HDAC4: variants seen among roughly 807,000 people sequenced by gnomAD.
HDAC4 encodes the protein histone deacetylase 4.
A neutral mutation model predicts 135.1 loss-of-function variants in HDAC4; 16 were observed. The ratio of observed to expected loss-of-function variants is 0.12; its 90% CI spans 0.08 to 0.18. The LOEUF (loss-of-function observed/expected upper bound fraction) is 0.18. Among genes scored for constraint, HDAC4 ranks in the 10% least tolerant of loss-of-function variants. The pLI, the probability that HDAC4 is intolerant of heterozygous loss-of-function variation, is 1.00. For missense variants in HDAC4, 1,143 were observed against 1,511.8 expected, an observed-to-expected ratio of 0.76 and a Z score of 4.05; for synonymous variants, 685 against 653.4, an observed-to-expected ratio of 1.05 and a Z score of -0.74.
intron 1 of HDAC4, among the ~76,000 whole-genome samples, chr2:239,354,844 G>A (rs1559381086): frequency 6.6e-6 from 1 of 152,004 alleles, no homozygotes; most frequent in Non-Finnish European, 1.5e-5. Context: ...AATGTAGATG[G>A]CATATTTTTC....
chr2:239,082,505 T>C (rs1415467722), intron 20 of HDAC4, among the ~76,000 whole-genome samples: 1 of 152,200 alleles, frequency 6.6e-6, no homozygotes, highest in Non-Finnish European at 1.5e-5. Context: ...CAGCAGCCGA[T>C]GGGGCTGGAG....
At chr2:239,089,728 C>CT (rs372528457) in intron 18 of HDAC4, 3,458 of 293,276 alleles carry the variant, frequency 0.012, no homozygotes, top group East Asian at 0.02. Context: ...CTCTTTGGAG[C>CT]TTTTTTTTTT....
At chr2:239,063,909 T>C (rs529339423) in intron 24 of HDAC4, among the ~76,000 whole-genome samples, 7 of 152,254 alleles carry the variant, frequency 4.6e-5, no homozygotes, top group Non-Finnish European at 1.0e-4. Flanking sequence ...ATGGCAGCCT[T>C]TGGGTGAGCC....
At chr2:239,343,101 G>GAAAGCAAA (rs1415225089) in intron 2 of HDAC4, among the ~76,000 whole-genome samples, 2 of 152,214 alleles carry the variant, frequency 1.3e-5, no homozygotes, top group African/African-American at 4.8e-5. Flanking sequence ...TTAGGTGGCT[G>GAAAGCAAA]AAAGCAAACC....
chr2:239,296,781 C>G (rs911487121), intron 2 of HDAC4, among the ~76,000 whole-genome samples: 1 of 152,150 alleles, frequency 6.6e-6, no homozygotes, highest in South Asian at 2.1e-4. Flanking sequence ...CCAGGACTTT[C>G]ACCTCCGCCC....
At chr2:239,305,756 C>T (rs1211371374) in intron 2 of HDAC4, among the ~76,000 whole-genome samples, 2 of 152,164 alleles carry the variant, frequency 1.3e-5, no homozygotes, top group Non-Finnish European at 2.9e-5. Flanking sequence ...GGCCACGAAA[C>T]GTGTATTTCG....
intron 5 of HDAC4, among the ~76,000 whole-genome samples, chr2:239,173,053 A>G (rs1166624906): frequency 6.6e-6 from 1 of 152,242 alleles, no homozygotes; most frequent in Non-Finnish European, 1.5e-5. Context: ...AGATGGCTTT[A>G]GCAGTAAGTT....
intron 2 of HDAC4, among the ~76,000 whole-genome samples, chr2:239,275,207 G>A (rs2050286194): frequency 6.6e-6 from 1 of 152,212 alleles, no homozygotes; most frequent in Non-Finnish European, 1.5e-5. Flanking sequence ...CCTCAGCCCA[G>A]ACCACCAGGC....
intron 2 of HDAC4, among the ~76,000 whole-genome samples, chr2:239,316,059 A>C (rs1248535770): frequency 6.6e-6 from 1 of 152,218 alleles, no homozygotes; most frequent in Non-Finnish European, 1.5e-5. Context: ...CCAAAAGCCT[A>C]ACAGAAAAGC....
Position 239,048,560 on chromosome 2 carries a change from T to TAGATAGATAG in HDAC4, c.*4536_*4537insCTATCTATCT, listed in dbSNP as rs2030309428. 1 of 149,948 alleles carries TAGATAGATAG rather than the reference T, an allele frequency of 6.7e-6. No individual in the cohort carries two copies. Among genetic ancestry groups the TAGATAGATAG allele is most frequent in the African/African-American group, 2.5e-5 (1 of 40,590 alleles). The allele number at this position is 149,948 out of a possible 1,614,324, so 9.3% of individuals were successfully genotyped here. ...GGGTGAGTAAGGTTCAAGCCCCCTGTATAGATAGATAGATAGATAGATAGA... is the reference window on the plus strand; with the variant it reads ...GGGTGAGTAAGGTTCAAGCCCCCTGTAGATAGATAGATAGATAGATAGATAGATAGATAGA... On this transcript the variant is annotated 3_prime_UTR_variant, in exon 27 of 27. Transcript: ENST00000543185.
chr2:239,094,127 C>T (rs1400525494), intron 17 of HDAC4: 3 of 985,356 alleles, frequency 3.0e-6, no homozygotes, highest in Non-Finnish European at 3.6e-6. Context: ...TGTCCACCGG[C>T]TCCCGTCCTC....
chr2:239,307,827 C>T lies in HDAC4; in HGVS notation c.22+44851G>A, dbSNP rs1303562538. ...GAGGGTTTCCCAGCCTGAAACGCCA[C>T]CCCACAGCCACTGTGGATTTGGGGA... On this transcript the variant is annotated intron_variant, in intron 2 of 26. Transcript: ENST00000543185. This position sits in a 1 kb window ranked among gnomAD's most constrained non-coding sequence, Gnocchi z 4.8. Among the ~76,000 whole-genome samples the T allele has an allele frequency of 6.6e-6, 1 of 152,210 alleles. No individual in the cohort carries two copies. The highest frequency in any genetic ancestry group is 2.4e-5 in the African/African-American group (1 of 41,454).
At chr2:239,365,388 C>G (rs1694124764) in intron 1 of HDAC4, among the ~76,000 whole-genome samples, 1 of 152,234 alleles carries the variant, frequency 6.6e-6, no homozygotes, top group Non-Finnish European at 1.5e-5. Flanking sequence ...GGATTTCACA[C>G]AATCCACAGG....
In HDAC4 at chr2:239,352,927, T is replaced by A; in HGVS notation, c.-219-9A>T. ...GGCTTCTGCAGATGAACCTGCAAGG[T>A]CAGAAGGAGAAAAGAGACTGGAGTT... On this transcript the variant is annotated splice_polypyrimidine_tract_variant and intron_variant, in intron 1 of 26. Transcript: ENST00000543185. This position sits in a 1 kb window ranked among gnomAD's most constrained non-coding sequence, Gnocchi z 4.4. 1.7e-6 allele frequency: 1 copy of A among 575,990 alleles called. No individual in the cohort carries two copies. The highest frequency in any genetic ancestry group is 3.1e-6 in the Non-Finnish European group (1 of 321,854). The allele number at this position is 575,990 out of a possible 1,614,324, so 35.7% of individuals were successfully genotyped here.
chr2:239,097,073 G>T (rs530755816), intron 16 of HDAC4, among the ~76,000 whole-genome samples: 2 of 152,336 alleles, frequency 1.3e-5, no homozygotes, highest in Admixed American at 6.5e-5. Context: ...CCAGCTGAGG[G>T]GCGCAGGCGC....
In HDAC4 at chr2:239,189,846, T is replaced by C; in HGVS notation, c.326A>G (p.His109Arg). ...ACCGCGCCTCACCTTGATGTGCTCG[T>C]GGAGCTGCGCCTCGTGCTGCCGGGA... ...QLSRQHEAQL[H>R]EHIKQQQEML... The change falls in exon 4 of 27, where the codon CAC becomes CGC. Residue 109 changes from histidine to arginine, a missense_variant. Physicochemically the swap from His to Arg is conservative, Grantham distance 29. Around this residue, in one of 9 missense-constraint regions of HDAC4, gnomAD observed 247 missense variants for 310.0 expected, o/e 0.80. Transcript: ENST00000543185. The C allele has an allele frequency of 6.2e-7, 1 of 1,607,510 alleles. No homozygotes were observed.
At chr2:239,187,408 A>G (rs940437242) in intron 4 of HDAC4, among the ~76,000 whole-genome samples, 5 of 152,136 alleles carry the variant, frequency 3.3e-5, no homozygotes, top group African/African-American at 1.2e-4. Flanking sequence ...ACTAAATAAA[A>G]CGAGTGGCCT....
chr2:239,124,028 A>G (rs9678428), intron 12 of HDAC4, among the ~76,000 whole-genome samples: 6,349 of 152,008 alleles, frequency 0.042, 192 homozygotes, highest in African/African-American at 0.075. Flanking sequence ...TGAGGGGGGC[A>G]CTTTCACAGG....
intron 4 of HDAC4, among the ~76,000 whole-genome samples, chr2:239,180,446 G>C (rs2153012806): frequency 6.6e-6 from 1 of 152,150 alleles, no homozygotes; most frequent in Non-Finnish European, 1.5e-5. Context: ...AAGGATTTCA[G>C]CTTGCTCACA....
Sources: allele counts gnomAD v4.1 joint callset (sites outside exome capture counted in the v4.1 genomes callset), GRCh38; gene constraint gnomAD v4.1.1; regional missense constraint gnomAD v4.1.1; non-coding constraint Gnocchi (gnomAD v3.1); transcripts MANE v1.5; gene names NCBI Gene and HGNC (gene_info 2026-07-23, HGNC 2026-07-21).